Variants in COX14 observed in about 807,000 individuals in gnomAD.
COX14 encodes the protein cytochrome c oxidase assembly factor COX14, also known as cytochrome c oxidase assembly protein COX14.
Under a neutral mutation model 5.8 loss-of-function variants are expected in COX14, and 3 were observed. The ratio of observed to expected loss-of-function variants is 0.51; its 90% confidence interval spans 0.23 to 1.33. COX14 has a LOEUF of 1.33. Ranked by LOEUF, COX14 falls within the 40% of genes most tolerant of loss-of-function variation. COX14 has a pLI of 0.18. For missense variants in COX14, 72 were observed against 72.1 expected, an observed-to-expected ratio of 1.00 and a Z score of 0.01; for synonymous variants, 25 against 26.1, an observed-to-expected ratio of 0.96 and a Z score of 0.13.
chr12:50,117,681 G>A (rs1436356354), intron 1 of COX14, among the ~76,000 whole-genome samples: 1 of 150,494 alleles, frequency 6.6e-6, no homozygotes, highest in Non-Finnish European at 1.5e-5. Flanking sequence ...TGGGATTCAA[G>A]CAATTCTCCT....
In COX14 at chr12:50,120,150, A is replaced by G; in HGVS notation, c.107A>G (p.His36Arg). Residue 36 changes from histidine to arginine, a missense_variant, in exon 2 of 2, where the codon CAC (histidine) becomes CGC (arginine). Physicochemically the swap from His to Arg is conservative, Grantham distance 29. Transcript: ENST00000550487. The stretch of plus-strand genomic sequence containing the variant: ...TACCTCTGCAGTGTCCGAGTCTACC[A>G]CTATTTCCAGTGGCGCAGGGCCCAG... ...GGYLCSVRVY[H>R]YFQWRRAQRQ... 2 of 1,614,144 alleles carry G rather than the reference A, an allele frequency of 1.2e-6. No individual in the cohort carries two copies. The highest frequency in any genetic ancestry group is 1.1e-5 in the South Asian group (1 of 91,082).
At chr12:50,115,581 G>T (rs1220544713) in intron 1 of COX14, among the ~76,000 whole-genome samples, 1 of 149,110 alleles carries the variant, frequency 6.7e-6, no homozygotes, top group Non-Finnish European at 1.5e-5. Context: ...TTGAGACAGG[G>T]TCTCCCTGTC....
intron 1 of COX14, among the ~76,000 whole-genome samples, chr12:50,117,417 G>A (rs1951090326): frequency 6.6e-6 from 1 of 152,126 alleles, no homozygotes; most frequent in African/African-American, 2.4e-5. Flanking sequence ...AGTGCTGAGA[G>A]CCATTAAGTG....
chr12:50,120,203 T>C lies in COX14; in HGVS notation c.160T>C (p.Ser54Pro), dbSNP rs778925220. The change falls in exon 2 of 2, where the codon TCA becomes CCA. Residue 54 changes from serine to proline, a missense_variant. Transcript: ENST00000550487. The stretch of plus-strand genomic sequence containing the variant: ...CCAGGCCGCAGAAGAACAGAAGACC[T>C]CAGGAATCATGTAGAACTGGGGGGC... The part of the protein sequence containing the change: ...QRQAAEEQKT[S>P]GIM 2.5e-6 allele frequency: 4 copies of C among 1,613,844 alleles called. No homozygotes were observed. In the East Asian group the frequency reaches 6.7e-5, roughly 27 times the overall value.
intron 1 of COX14, among the ~76,000 whole-genome samples, chr12:50,114,219 GA>G (rs36117795): frequency 4.2e-3 from 348 of 82,886 alleles, no homozygotes; most frequent in Non-Finnish European, 6.1e-3. Flanking sequence ...GTAGTTAAAT[GA>G]AAAAAAAAAA....
chr12:50,114,789 T>A (rs866819219), intron 1 of COX14, among the ~76,000 whole-genome samples: 4,739 of 132,932 alleles, frequency 0.036, 220 homozygotes, highest in African/African-American at 0.13. Context: ...TTTTTTTTTT[T>A]TTTTTTTTTT....
chr12:50,114,366 C>T (rs1036836611), intron 1 of COX14, among the ~76,000 whole-genome samples: 2 of 151,852 alleles, frequency 1.3e-5, no homozygotes, highest in South Asian at 2.1e-4. Flanking sequence ...TCTCCTGCCT[C>T]AGCCTCCTGA....
At chr12:50,112,338 T>G (rs1951032751) in intron 1 of COX14, 37 bp downstream of exon 1, 2 of 985,338 alleles carry the variant, frequency 2.0e-6, no homozygotes, top group Middle Eastern at 5.2e-4. Flanking sequence ...GGGCTGCCAG[T>G]CCCACTGCCT....
rs1173699228 is a variant in COX14 at position 50,120,395 on chromosome 12, A to G, written c.*178A>G. 3 of 591,132 alleles carry G rather than the reference A, an allele frequency of 5.1e-6. No homozygotes were observed. The highest frequency in any genetic ancestry group is 9.2e-6 in the Non-Finnish European group (3 of 327,212). The allele number at this position is 591,132 out of a possible 1,614,324, so 36.6% of individuals were successfully genotyped here. On this transcript the variant is annotated 3_prime_UTR_variant, in exon 2 of 2. Coordinates refer to ENST00000550487, the MANE Select transcript of COX14 (RefSeq NM_032901.4). ...TTTGACAGTTTATGGAGGCTTTTGAATCGTAATAGCAATGTGAGGGTGAGG... is the reference window on the plus strand; with the variant it reads ...TTTGACAGTTTATGGAGGCTTTTGAGTCGTAATAGCAATGTGAGGGTGAGG...
At chr12:50,116,597 A>G (rs950774430) in intron 1 of COX14, among the ~76,000 whole-genome samples, 1 of 152,158 alleles carries the variant, frequency 6.6e-6, no homozygotes, top group Admixed American at 6.5e-5. Context: ...TGGTCCTATA[A>G]TTGTTAAGCA....
intron 1 of COX14, among the ~76,000 whole-genome samples, chr12:50,118,036 C>T (rs1336816322): frequency 3.3e-5 from 4 of 121,930 alleles, no homozygotes; most frequent in Non-Finnish European, 4.9e-5. Context: ...AGCCACCATA[C>T]CTGGCACCCC....
chr12:50,114,503 C>T (rs1012920279), intron 1 of COX14, among the ~76,000 whole-genome samples: 1 of 152,046 alleles, frequency 6.6e-6, no homozygotes, highest in African/African-American at 2.4e-5. Context: ...CCGCCCTCCT[C>T]GGCTTCCCAA....
intron 1 of COX14, chr12:50,112,580 C>T (rs964880128): frequency 6.6e-5 from 41 of 623,008 alleles, no homozygotes; most frequent in Middle Eastern, 7.9e-4. Flanking sequence ...TCCAACTCTG[C>T]CTCTTCCTTG....
chr12:50,118,298 C>T (rs1396386677), intron 1 of COX14, among the ~76,000 whole-genome samples: 6 of 149,622 alleles, frequency 4.0e-5, no homozygotes, highest in African/African-American at 7.4e-5. Flanking sequence ...CCACCCTCCT[C>T]GGCCTTCCAA....
At chr12:50,118,171 C>T (rs1216514010) in intron 1 of COX14, among the ~76,000 whole-genome samples, 4 of 151,640 alleles carry the variant, frequency 2.6e-5, no homozygotes, top group South Asian at 2.1e-4. Flanking sequence ...CTTAGCCTCT[C>T]GAGTAGCTGG....
chr12:50,120,055 C>T lies in COX14; in HGVS notation c.12C>T (p.Gly4=). 1.2e-6 allele frequency: 2 copies of T among 1,614,016 alleles called. No individual in the cohort carries two copies. The highest frequency in any genetic ancestry group is 1.7e-6 in the Non-Finnish European group (2 of 1,179,874). MPT[G]KQLADIGYKT... is the part of the protein sequence containing the mutation. ...TTGTAGGGGACAAGATGCCAACTGG[C>T]AAGCAGCTAGCTGACATTGGCTATA... The change falls in exon 2 of 2, where the codon GGC becomes GGT. Residue 4 remains glycine (G), a synonymous_variant. Transcript: ENST00000550487.
intron 1 of COX14, among the ~76,000 whole-genome samples, chr12:50,115,983 C>T (rs1951077412): frequency 6.6e-6 from 1 of 152,194 alleles, no homozygotes; most frequent in Non-Finnish European, 1.5e-5. Context: ...ATATTTTCAG[C>T]TTTGCCCTAA....
intron 1 of COX14, among the ~76,000 whole-genome samples, chr12:50,116,124 G>C (rs1402138616): frequency 7.2e-6 from 1 of 139,828 alleles, no homozygotes; most frequent in East Asian, 2.1e-4. Context: ...ACAGAGTCTT[G>C]CTCTGTCCCC....
intron 1 of COX14, among the ~76,000 whole-genome samples, chr12:50,118,042 ACCC>A (rs973586409): frequency 1.3e-5 from 1 of 74,290 alleles, no homozygotes; most frequent in Non-Finnish European, 2.4e-5. Flanking sequence ...CATACCTGGC[ACCC>A]CCCCTTTTTT....
Sources: allele counts gnomAD v4.1 joint callset (sites outside exome capture counted in the v4.1 genomes callset), GRCh38; gene constraint gnomAD v4.1.1; transcripts MANE v1.5; gene names NCBI Gene and HGNC (gene_info 2026-07-23, HGNC 2026-07-21).